Variants in NUF2 observed in about 807,000 individuals in gnomAD.
NUF2 encodes NUF2 component of NDC80 kinetochore complex, also known as kinetochore protein Nuf2.
A neutral mutation model predicts 61.8 loss-of-function variants in NUF2; 34 were observed. The observed-to-expected ratio is 0.55, with a 90% CI of 0.42 to 0.73. The LOEUF (loss-of-function observed/expected upper bound fraction) is 0.73, where lower values mean the gene tolerates loss of function less well. Ranked by LOEUF, NUF2 falls within the 30% of genes least tolerant of loss-of-function variation. The pLI, the probability that NUF2 is intolerant of heterozygous loss-of-function variation, is 0.00. For missense variants in NUF2, 445 were observed against 539.1 expected (o/e 0.83, Z 1.73); for synonymous variants, 172 against 181.6 (o/e 0.95, Z 0.42).
intron 7 of NUF2, 101 bp downstream of exon 7, chr1:163,338,194 A>T: frequency 1.3e-6 from 1 of 765,730 alleles, no homozygotes; most frequent in Non-Finnish European, 2.2e-6. Context: ...AGTCTCTTTT[A>T]TCTCCCTTAA....
chr1:163,349,218 G>A (rs1359644762), intron 13 of NUF2, 138 bp downstream of exon 13: 2 of 699,492 alleles, frequency 2.9e-6, no homozygotes, highest in Admixed American at 6.9e-5. Flanking sequence ...CTTTATTCTT[G>A]TTTTGAATAT....
chr1:163,326,997 A>G (rs188536879), intron 2 of NUF2, among the ~76,000 whole-genome samples: 18 of 152,240 alleles, frequency 1.2e-4, no homozygotes, highest in African/African-American at 4.1e-4. Context: ...TTAAAATTCT[A>G]TATAACCCTA....
Position 163,349,031 on chromosome 1 carries a change from G to T in NUF2, c.1211G>T (p.Gly404Val). The T allele has an allele frequency of 6.2e-7, 1 of 1,612,050 alleles. No homozygotes were observed. The highest frequency in any genetic ancestry group is 1.1e-5 in the South Asian group (1 of 90,552). The part of the protein sequence containing the change: ...INQEIQKIKL[G>V]IQQLKDAAER... ...CAAGAAATCCAAAAAATTAAACTTGGAATTCAACAACTAAAAGATGCTGCT... is the reference window on the plus strand; with the variant it reads ...CAAGAAATCCAAAAAATTAAACTTGTAATTCAACAACTAAAAGATGCTGCT... The change falls in exon 13 of 14, where the codon GGA (glycine) becomes GTA (valine). Residue 404 changes from glycine to valine, a missense_variant. Gly to Val is a moderately radical substitution (Grantham distance 109, BLOSUM62 -3). Transcript: ENST00000271452.
intron 5 of NUF2, among the ~76,000 whole-genome samples, chr1:163,335,685 C>A (rs1173379128): frequency 2.0e-5 from 3 of 152,026 alleles, no homozygotes; most frequent in Non-Finnish European, 4.4e-5. Context: ...AAATATTCAA[C>A]TATTCTGTAA....
chr1:163,327,645 A>T (rs1650469697), intron 3 of NUF2, 83 bp downstream of exon 3: 1 of 820,998 alleles, frequency 1.2e-6, no homozygotes. Context: ...CTTACAATGC[A>T]TACTGGCTTT....
intron 13 of NUF2, among the ~76,000 whole-genome samples, chr1:163,353,648 G>A (rs1297443600): frequency 6.6e-6 from 1 of 152,182 alleles, no homozygotes; most frequent in African/African-American, 2.4e-5. Context: ...CTTATTATAT[G>A]TGAATTAGGG....
At chr1:163,327,831 A>T (rs1016485064) in intron 3 of NUF2, 5 of 412,392 alleles carry the variant, frequency 1.2e-5, no homozygotes, top group Non-Finnish European at 2.1e-5. Context: ...ATTGTTATAG[A>T]TTTATAGGTT....
At chr1:163,351,638 A>G (rs1054322562) in intron 13 of NUF2, among the ~76,000 whole-genome samples, 7 of 152,184 alleles carry the variant, frequency 4.6e-5, no homozygotes, top group Non-Finnish European at 7.4e-5. Flanking sequence ...TTTGGGTACA[A>G]TTCTTCAACT....
At chr1:163,326,855 T>C (rs1650433600) in intron 2 of NUF2, among the ~76,000 whole-genome samples, 1 of 152,136 alleles carries the variant, frequency 6.6e-6, no homozygotes, top group Non-Finnish European at 1.5e-5. Context: ...AAATTCAGCT[T>C]TCTTAAAAGA....
chr1:163,328,544 T>C (rs1274603054), intron 4 of NUF2: 1 of 499,512 alleles, frequency 2.0e-6, no homozygotes, highest in Non-Finnish European at 3.5e-6. Flanking sequence ...AGTCGAAAAT[T>C]GTTTACCGTC....
At chr1:163,324,900 CTTTT>C (rs67548511) in intron 1 of NUF2, among the ~76,000 whole-genome samples, 5 of 122,962 alleles carry the variant, frequency 4.1e-5, no homozygotes, top group African/African-American at 9.0e-5. Flanking sequence ...TCTTTTCTTT[CTTTT>C]TTTTTTTTTT....
chr1:163,345,739 A>G lies in NUF2; in HGVS notation c.869A>G (p.Gln290Arg), dbSNP rs754407795. Residue 290 changes from glutamine to arginine, a missense_variant, in exon 11 of 14, where the codon CAG becomes CGG. Coordinates refer to ENST00000271452, the MANE Select transcript of NUF2 (RefSeq NM_145697.3). The part of the protein sequence containing the change: ...GDSVDCLPSC[Q>R]LEVQLYQKKI... Reference sequence around the variant, plus strand: ...TCAGTTGACTGCCTGCCTTCATGTCAGTTGGAAGTGCAGTTATATCAAAAG... The same window carrying G: ...TCAGTTGACTGCCTGCCTTCATGTCGGTTGGAAGTGCAGTTATATCAAAAG... The G allele has an allele frequency of 2.5e-6, 4 of 1,610,918 alleles. No individual in the cohort carries two copies. The highest frequency in any genetic ancestry group is 1.1e-5 in the South Asian group (1 of 90,998).
chr1:163,332,953 T>C (rs931508336), intron 5 of NUF2, among the ~76,000 whole-genome samples: 1 of 152,120 alleles, frequency 6.6e-6, no homozygotes, highest in Non-Finnish European at 1.5e-5. Flanking sequence ...TGTTGATGAG[T>C]GGAGTGTTTT....
intron 13 of NUF2, among the ~76,000 whole-genome samples, chr1:163,353,539 ATAG>A (rs978089217): frequency 3.7e-4 from 57 of 152,342 alleles, no homozygotes; most frequent in African/African-American, 1.3e-3. Context: ...TTAAATTTAA[ATAG>A]TAGCCACATG....
intron 1 of NUF2, among the ~76,000 whole-genome samples, chr1:163,322,460 C>T (rs754336095): frequency 6.6e-6 from 1 of 152,154 alleles, no homozygotes; most frequent in African/African-American, 2.4e-5. Context: ...CGTTTCTTAA[C>T]CAAATCCAAA....
chr1:163,322,842 C>G (rs187707759), intron 1 of NUF2: 74 of 152,298 alleles, frequency 4.9e-4, no homozygotes, highest in Middle Eastern at 3.4e-3. Context: ...TATATTAAGT[C>G]ATTTATATAC....
chr1:163,324,974 G>T, intron 1 of NUF2, among the ~76,000 whole-genome samples: 1 of 142,742 alleles, frequency 7.0e-6, no homozygotes, highest in South Asian at 2.2e-4. Flanking sequence ...TCAGTTCATT[G>T]CAACTTCTGC....
intron 11 of NUF2, 25 bp downstream of exon 11, chr1:163,345,843 G>A (rs747283520): frequency 1.3e-6 from 2 of 1,516,126 alleles, no homozygotes; most frequent in South Asian, 2.4e-5. Flanking sequence ...GAATTTTGAT[G>A]TCTTTATTAT....
At chr1:163,350,163 G>A (rs904082405) in intron 13 of NUF2, among the ~76,000 whole-genome samples, 4 of 151,810 alleles carry the variant, frequency 2.6e-5, no homozygotes, top group Non-Finnish European at 5.9e-5. Flanking sequence ...TTAGCCAGGC[G>A]TGGTGGTGGG....
Sources: gnomAD v4.1 joint callset for allele counts (sites outside exome capture counted in the v4.1 genomes callset) on GRCh38, gnomAD v4.1.1 for gene constraint, MANE v1.5 for transcripts, NCBI Gene and HGNC (gene_info 2026-07-23, HGNC 2026-07-21) for gene names.